The following SH3PXD2A variants were observed in gnomAD, a reference collection of about 807,000 sequenced individuals.
SH3PXD2A encodes SH3 and PX domain-containing protein 2A.
In SH3PXD2A, 32 loss-of-function variants were observed where a neutral mutation model predicts 115.2. That is an observed-to-expected ratio of 0.28 (90% CI 0.21 to 0.37). The LOEUF is 0.37. Ranked by LOEUF, SH3PXD2A falls within the 10% of genes least tolerant of loss-of-function variation. SH3PXD2A has a pLI of 1.00. For synonymous variants in SH3PXD2A, 610 were observed against 629.1 expected, an observed-to-expected ratio of 0.97 and a Z score of 0.45; for missense variants, 1,328 against 1,498.7, an observed-to-expected ratio of 0.89 and a Z score of 1.88.
intron 6 of SH3PXD2A, among the ~76,000 whole-genome samples, chr10:103,683,775 C>T (rs1317186999): frequency 6.6e-6 from 1 of 152,214 alleles, no homozygotes; most frequent in Non-Finnish European, 1.5e-5. Flanking sequence ...TACCCACACC[C>T]TTCAGCCCAT....
chr10:103,820,156 G>T (rs373290468), intron 1 of SH3PXD2A, among the ~76,000 whole-genome samples: 1 of 152,186 alleles, frequency 6.6e-6, no homozygotes, highest in South Asian at 2.1e-4. Flanking sequence ...CCAGGCACCG[G>T]ATCTGAGAGC....
intron 2 of SH3PXD2A, 111 bp downstream of exon 2, chr10:103,801,171 T>C: frequency 1.4e-6 from 1 of 690,850 alleles, no homozygotes; most frequent in Non-Finnish European, 2.6e-6. Flanking sequence ...TGCTCCCACC[T>C]GGACTCTGAC....
intron 3 of SH3PXD2A, among the ~76,000 whole-genome samples, chr10:103,759,628 C>T (rs1290048445): frequency 1.3e-5 from 2 of 152,196 alleles, no homozygotes; most frequent in African/African-American, 2.4e-5. Flanking sequence ...CAGTTGTTTG[C>T]TTTTTACATC....
At position 103,620,237 on chromosome 10, in the gene SH3PXD2A, G is replaced by A. The variant is rs916091386; in HGVS notation, c.802+2233C>T. ...GTGGGATCCTCCGGGCTTCTGGGAAGCACTGGGGCCGTGAACACTGACCAC... is the reference window on the plus strand; with the variant it reads ...GTGGGATCCTCCGGGCTTCTGGGAAACACTGGGGCCGTGAACACTGACCAC... On this transcript the variant is annotated intron_variant, in intron 10 of 14. Transcript: ENST00000369774. This position sits in a 1 kb window ranked among gnomAD's most constrained non-coding sequence, Gnocchi z 5.3. Among the ~76,000 whole-genome samples, 1 of 152,234 alleles carries A rather than the reference G, an allele frequency of 6.6e-6. No individual in the cohort carries two copies. Among genetic ancestry groups the A allele is most frequent in the Non-Finnish European group, 1.5e-5 (1 of 68,040 alleles).
intron 1 of SH3PXD2A, among the ~76,000 whole-genome samples, chr10:103,845,735 TG>T (rs1330806558): frequency 6.6e-6 from 1 of 152,230 alleles, no homozygotes; most frequent in Non-Finnish European, 1.5e-5. Context: ...GAACCCTCTC[TG>T]GGGGTCTGGA....
At chr10:103,828,223 G>A (rs919345787) in intron 1 of SH3PXD2A, among the ~76,000 whole-genome samples, 1 of 152,210 alleles carries the variant, frequency 6.6e-6, no homozygotes, top group African/African-American at 2.4e-5. Flanking sequence ...TAGTAAGCGA[G>A]TGTGAGTGCC....
intron 5 of SH3PXD2A, among the ~76,000 whole-genome samples, chr10:103,698,204 G>GGA (rs1371122362): frequency 1.3e-5 from 2 of 152,238 alleles, no homozygotes; most frequent in African/African-American, 4.8e-5. Flanking sequence ...CTGAGGCACG[G>GGA]GAGAGAGAGG....
intron 13 of SH3PXD2A, chr10:103,608,887 T>C (rs572239022): frequency 6.6e-6 from 1 of 152,110 alleles, no homozygotes; most frequent in South Asian, 2.1e-4. Flanking sequence ...TCTCCTGTAA[T>C]CGTAGTGCTT....
intron 9 of SH3PXD2A, among the ~76,000 whole-genome samples, chr10:103,623,621 T>G (rs920600346): frequency 6.6e-6 from 1 of 151,886 alleles, no homozygotes; most frequent in Non-Finnish European, 1.5e-5. Flanking sequence ...CTGACCTGCT[T>G]CTTATAAGGA....
Position 103,784,987 on chromosome 10 carries a change from C to G in SH3PXD2A, c.153+16295G>C, listed in dbSNP as rs1346288200. On this transcript the variant is annotated intron_variant, in intron 2 of 14. Coordinates refer to ENST00000369774, the MANE Select transcript of SH3PXD2A (RefSeq NM_001394015.1). This position sits in a 1 kb window ranked among gnomAD's most constrained non-coding sequence, Gnocchi z 4.4. ...CTGTCTCCAGCCCCTCAGCCCCACT[C>G]TGAACACCAACACTTGCCCTTAGCA... Among the ~76,000 whole-genome samples, 4 of 152,210 alleles carry G rather than the reference C, an allele frequency of 2.6e-5. No homozygotes were observed. Among genetic ancestry groups the G allele is most frequent in the Non-Finnish European group, 5.9e-5 (4 of 68,032 alleles).
In SH3PXD2A at chr10:103,762,455, T is replaced by C. The variant is rs114157704; in HGVS notation, c.229+4639A>G. Among the ~76,000 whole-genome samples, 838 of 152,298 alleles carry C rather than the reference T, an allele frequency of 5.5e-3. 6 individuals are homozygous for C. The highest frequency in any genetic ancestry group is 0.019 in the African/African-American group (802 of 41,568). ...TGGGTGTGTCTCCCTCAGTCTCACA[T>C]AATACGGGGTTTGGAGGCATAGGCC... On this transcript the variant is annotated intron_variant, in intron 3 of 14. Coordinates refer to ENST00000369774, the MANE Select transcript of SH3PXD2A (RefSeq NM_001394015.1).
At chr10:103,606,617 G>C (rs1350045276) in intron 13 of SH3PXD2A, among the ~76,000 whole-genome samples, 1 of 151,906 alleles carries the variant, frequency 6.6e-6, no homozygotes, top group Non-Finnish European at 1.5e-5. Flanking sequence ...GCCTCAGCCT[G>C]CCGAGTGCCT....
rs558177437 is a variant in SH3PXD2A at position 103,739,971 on chromosome 10, A to G, written c.230-4163T>C. ...TGACCCTGAAACAGGTCCCTTCTCC[A>G]CTGGGACTGCTGTGTGCTCATCGGA... On this transcript the variant is annotated intron_variant, in intron 3 of 14. Transcript: ENST00000369774. Among the ~76,000 whole-genome samples, 20 of 152,292 alleles carry G rather than the reference A, an allele frequency of 1.3e-4. No individual in the cohort carries two copies. The South Asian group carries it at 3.7e-3, about 28-fold the overall frequency.
At chr10:103,843,437 C>T (rs1246809018) in intron 1 of SH3PXD2A, among the ~76,000 whole-genome samples, 1 of 143,388 alleles carries the variant, frequency 7.0e-6, no homozygotes, top group Non-Finnish European at 1.6e-5. Context: ...TGCTATCCAC[C>T]ATCCCCAAGA....
Position 103,693,021 on chromosome 10 carries a change from C to A in SH3PXD2A, c.427+7G>T, listed in dbSNP as rs1362843919. The stretch of plus-strand genomic sequence containing the variant: ...GCTGAAGGGAAAACGCCCGGAGGCT[C>A]CCTTACCTGATTTCCTCTTGGAACT... On this transcript the variant is annotated splice_region_variant and intron_variant, in intron 6 of 14. Coordinates refer to ENST00000369774, the MANE Select transcript of SH3PXD2A (RefSeq NM_001394015.1). 6.2e-7 allele frequency: 1 copy of A among 1,612,498 alleles called. No individual in the cohort carries two copies. Among genetic ancestry groups the A allele is most frequent in the Admixed American group, 1.7e-5 (1 of 59,978 alleles).
At chr10:103,766,662 C>A (rs1490548909) in intron 3 of SH3PXD2A, among the ~76,000 whole-genome samples, 2 of 152,136 alleles carry the variant, frequency 1.3e-5, no homozygotes, top group African/African-American at 2.4e-5. Context: ...TGGTGTAAGC[C>A]TCCTCTTCCA....
chr10:103,617,409 A>C, intron 10 of SH3PXD2A, 95 bp from the exon 11 acceptor site: 1 of 857,740 alleles, frequency 1.2e-6, no homozygotes, highest in Admixed American at 1.9e-5. Context: ...CTTTTGCTCA[A>C]CTGCTTGCCA....
chr10:103,811,317 C>T (rs987155515), intron 1 of SH3PXD2A, among the ~76,000 whole-genome samples: 2 of 152,220 alleles, frequency 1.3e-5, no homozygotes, highest in East Asian at 3.8e-4. Flanking sequence ...CCTTCTTACA[C>T]GCACAATGGG....
chr10:103,794,849 T>G (rs2039071214), intron 2 of SH3PXD2A, among the ~76,000 whole-genome samples: 1 of 152,240 alleles, frequency 6.6e-6, no homozygotes, highest in South Asian at 2.1e-4. Context: ...CTCGGGAACC[T>G]GACCTGGTTT....
Sources: gnomAD v4.1 joint callset for allele counts (sites outside exome capture counted in the v4.1 genomes callset) on GRCh38, gnomAD v4.1.1 for gene constraint, Gnocchi (gnomAD v3.1) non-coding constraint, MANE v1.5 for transcripts, NCBI Gene and HGNC (gene_info 2026-07-23, HGNC 2026-07-21) for gene names.